COL11A1: variants seen among roughly 807,000 people sequenced by gnomAD.
The protein encoded by COL11A1 is collagen type XI alpha 1 chain.
COL11A1 carries 74 observed loss-of-function variants against 265.2 expected under a neutral mutation model. The observed-to-expected ratio is 0.28, with a 90% CI of 0.23 to 0.34. COL11A1 has a LOEUF of 0.34. COL11A1 is among the 10% of genes least tolerant of loss of function. The pLI, the probability that COL11A1 is intolerant of heterozygous loss-of-function variation, is 1.00. For synonymous variants in COL11A1, 816 were observed against 727.6 expected (o/e 1.12, Z -1.96); for missense variants, 2,165 against 2,263.6 (o/e 0.96, Z 0.88).
At chr1:102,966,477 T>A (rs182993921) in intron 37 of COL11A1, among the ~76,000 whole-genome samples, 2 of 152,064 alleles carry the variant, frequency 1.3e-5, no homozygotes, top group African/African-American at 2.4e-5. Context: ...AGGTAAAGAG[T>A]CTGTAATTAT....
intron 30 of COL11A1, among the ~76,000 whole-genome samples, chr1:102,987,336 T>C (rs1663670228): frequency 6.6e-6 from 1 of 150,944 alleles, no homozygotes; most frequent in South Asian, 2.1e-4. Flanking sequence ...CTTTAGTGTA[T>C]ATAATGTGAT....
At chr1:102,906,756 T>C (rs879646901) in intron 54 of COL11A1, among the ~76,000 whole-genome samples, 2 of 152,032 alleles carry the variant, frequency 1.3e-5, no homozygotes, top group African/African-American at 2.4e-5. Context: ...AGCCACCTAT[T>C]TGTTTATGTT....
intron 5 of COL11A1, among the ~76,000 whole-genome samples, chr1:103,026,603 A>G (rs536775449): frequency 1.3e-5 from 2 of 151,386 alleles, no homozygotes; most frequent in Admixed American, 1.3e-4. Flanking sequence ...CAAACTCTTA[A>G]TTATGGAATG....
chr1:102,966,493 TTGA>T (rs540121493), intron 37 of COL11A1, among the ~76,000 whole-genome samples: 33 of 152,290 alleles, frequency 2.2e-4, no homozygotes, highest in African/African-American at 7.0e-4. Context: ...ATTATTGCAA[TTGA>T]TGCTACAGGG....
rs2101006705 is a variant in COL11A1, at chr1:102,879,716, A to G, written c.5241T>C (p.Asn1747=). 1 of 1,613,882 alleles carries G rather than the reference A, an allele frequency of 6.2e-7. No individual in the cohort carries two copies. The highest frequency in any genetic ancestry group is 8.5e-7 in the Non-Finnish European group (1 of 1,179,858). Reference sequence around the variant, plus strand: ...CATCATACAGTGTTTTGATAAAAGGATTATTGTCATAGGACATCTCCTCAT... The same window carrying G: ...CATCATACAGTGTTTTGATAAAAGGGTTATTGTCATAGGACATCTCCTCAT... ...SNDEEMSYDN[N]PFIKTLYDGC... is the part of the protein sequence containing the mutation. Residue 1747 remains asparagine, a synonymous_variant, in exon 66 of 67, where the codon AAT becomes AAC. Coordinates refer to ENST00000370096, the MANE Select transcript of COL11A1 (RefSeq NM_001854.4).
At chr1:103,000,125 T>C (rs1664976133) in intron 24 of COL11A1, among the ~76,000 whole-genome samples, 1 of 151,824 alleles carries the variant, frequency 6.6e-6, no homozygotes, top group Admixed American at 6.6e-5. Flanking sequence ...AGCAAATTCC[T>C]CTTAATAATC....
At position 103,065,875 on chromosome 1, in the gene COL11A1, C is replaced by G. The variant is rs371650074; in HGVS notation, c.651+8743G>C. Among the ~76,000 whole-genome samples the G allele has an allele frequency of 5.4e-4, 81 of 151,044 alleles. 1 individual carries two copies. The South Asian group carries it at 0.013, about 24-fold the overall frequency. ...CTACTGAAGTCAATCTACTGAAAAG[C>G]AAACACGGAGAAAAAAAAAATCTTA... On this transcript the variant is annotated intron_variant, in intron 4 of 66. Transcript: ENST00000370096.
chr1:103,047,776 C>T (rs944837244), intron 4 of COL11A1, among the ~76,000 whole-genome samples: 2 of 152,064 alleles, frequency 1.3e-5, no homozygotes, highest in Non-Finnish European at 2.9e-5. Context: ...AGATATGACC[C>T]ATCAATACCT....
At chr1:102,919,707 A>C (rs1036193027) in intron 49 of COL11A1, among the ~76,000 whole-genome samples, 1 of 152,080 alleles carries the variant, frequency 6.6e-6, no homozygotes, top group African/African-American at 2.4e-5. Flanking sequence ...AAGGAAGAGC[A>C]GACCTTTAAA....
chr1:102,996,115 C>G, intron 26 of COL11A1, 73 bp from the exon 27 acceptor site: 1 of 1,445,194 alleles, frequency 6.9e-7, no homozygotes, highest in Non-Finnish European at 9.7e-7. Context: ...TATAATTTTA[C>G]CAACTAATCT....
At chr1:102,902,847 CAT>C (rs1653395301) in intron 54 of COL11A1, among the ~76,000 whole-genome samples, 2 of 134,550 alleles carry the variant, frequency 1.5e-5, no homozygotes, top group Admixed American at 1.4e-4. Flanking sequence ...TATACACACA[CAT>C]AGTACATGCA....
chr1:102,890,385 CA>C, intron 58 of COL11A1, 65 bp downstream of exon 58: 1 of 1,373,908 alleles, frequency 7.3e-7, no homozygotes, highest in South Asian at 1.4e-5. Flanking sequence ...TTTTAATCTG[CA>C]AAAGCAGGGC....
At chr1:103,094,923 A>T (rs555068469) in intron 1 of COL11A1, among the ~76,000 whole-genome samples, 15 of 152,156 alleles carry the variant, frequency 9.9e-5, no homozygotes, top group African/African-American at 3.6e-4. Flanking sequence ...CTCTACATAA[A>T]ATACATGATT....
chr1:103,072,936 G>A (rs908067235), intron 4 of COL11A1, among the ~76,000 whole-genome samples: 1 of 151,700 alleles, frequency 6.6e-6, no homozygotes, highest in Non-Finnish European at 1.5e-5. Context: ...GTCAAAGATT[G>A]TAAAAGATAA....
intron 62 of COL11A1, among the ~76,000 whole-genome samples, chr1:102,887,791 T>G (rs1237043555): frequency 6.6e-6 from 1 of 152,124 alleles, no homozygotes; most frequent in African/African-American, 2.4e-5. Context: ...AGTGATATTC[T>G]TATAAAAAGG....
At chr1:103,077,507 T>A (rs1450352922) in intron 3 of COL11A1, among the ~76,000 whole-genome samples, 1 of 152,038 alleles carries the variant, frequency 6.6e-6, no homozygotes, top group African/African-American at 2.4e-5. Context: ...AGGATAATAA[T>A]GTAAATTAGT....
At position 102,888,901 on chromosome 1, in the gene COL11A1, C is replaced by G; in HGVS notation, c.4483G>C (p.Gly1495Arg). The part of the protein sequence containing the change: ...KGDGGIPGPA[G>R]PLGPPGPPGL... ...GGAGGACCAGGTGGACCTAAGGGAC[C>G]AGCAGGACCAGGAATTCCCTAGAGA... The change falls in exon 60 of 67, where the codon GGT (glycine) becomes CGT (arginine). Residue 1495 changes from glycine to arginine, a missense_variant. By Grantham distance (125) the Gly-to-Arg change is moderately radical. Coordinates refer to ENST00000370096, the MANE Select transcript of COL11A1 (RefSeq NM_001854.4). 6.2e-7 allele frequency: 1 copy of G among 1,612,306 alleles called. No individual in the cohort carries two copies. Among genetic ancestry groups the G allele is most frequent in the Non-Finnish European group, 8.5e-7 (1 of 1,178,394 alleles).
rs146626568 is a variant in COL11A1 at position 103,012,833 on chromosome 1, G to A, written c.1573-364C>T. Among the ~76,000 whole-genome samples the A allele has an allele frequency of 2.8e-3, 420 of 152,168 alleles. 5 individuals carry two copies. Among genetic ancestry groups the A allele is most frequent in the African/African-American group, 9.4e-3 (392 of 41,530 alleles). Reference sequence around the variant, plus strand: ...TCTTAAATGTGTAGGCACAATTTGAGAGGCTTTAAATAAAATTCTTTTAGC... The same window carrying A: ...TCTTAAATGTGTAGGCACAATTTGAAAGGCTTTAAATAAAATTCTTTTAGC... On this transcript the variant is annotated intron_variant, in intron 13 of 66. Coordinates refer to ENST00000370096, the MANE Select transcript of COL11A1 (RefSeq NM_001854.4).
intron 59 of COL11A1, 109 bp from the exon 60 acceptor site, chr1:102,889,028 A>C: frequency 1.0e-6 from 1 of 984,428 alleles, no homozygotes; most frequent in Non-Finnish European, 1.6e-6. Context: ...AATTTAGAGA[A>C]TGCAAAAATA....
Sources: allele counts gnomAD v4.1 joint callset (sites outside exome capture counted in the v4.1 genomes callset), GRCh38; gene constraint gnomAD v4.1.1; transcripts MANE v1.5; gene names NCBI Gene and HGNC (gene_info 2026-07-23, HGNC 2026-07-21).